The following PDE6A variants were observed in gnomAD, a reference collection of about 807,000 sequenced individuals.
PDE6A encodes the protein rod cGMP-specific 3',5'-cyclic phosphodiesterase subunit alpha.
Under a neutral mutation model 106.3 loss-of-function variants are expected in PDE6A, and 84 were observed. The ratio of observed to expected loss-of-function variants is 0.79; its 90% CI spans 0.66 to 0.95. PDE6A has a LOEUF of 0.95. Ranked by LOEUF, PDE6A falls within the 40% of genes least tolerant of loss-of-function variation. The pLI is 0.00. For synonymous variants in PDE6A, 394 were observed against 386.6 expected (o/e 1.02, Z -0.23); for missense variants, 1,052 against 1,084.9 (o/e 0.97, Z 0.43).
intron 10 of PDE6A, among the ~76,000 whole-genome samples, chr5:149,897,287 G>A (rs1390461108): frequency 1.3e-5 from 2 of 152,220 alleles, no homozygotes; most frequent in Middle Eastern, 3.4e-3. Flanking sequence ...TTCTCTCTCT[G>A]GGCCTGTGTC....
intron 4 of PDE6A, among the ~76,000 whole-genome samples, chr5:149,924,796 G>A (rs1438227306): frequency 2.0e-5 from 3 of 152,174 alleles, no homozygotes; most frequent in Non-Finnish European, 2.9e-5. Context: ...CCCTTGATTC[G>A]ACCTTTCCTT....
chr5:149,903,147 T>TAAAAAAAAAAAAAAAAAAAAAAAAAAAA (rs373566897), intron 8 of PDE6A, among the ~76,000 whole-genome samples: 2 of 90,998 alleles, frequency 2.2e-5, no homozygotes, highest in Admixed American at 1.4e-4. Context: ...AGACCCTCTC[T>TAAAAAAAAAAAAAAAAAAAAAAAAAAAA]AAAAAAAAAA....
At chr5:149,887,222 C>A (rs891702037) in intron 13 of PDE6A, among the ~76,000 whole-genome samples, 1 of 152,162 alleles carries the variant, frequency 6.6e-6, no homozygotes, top group African/African-American at 2.4e-5. Flanking sequence ...CCAAGTCCAA[C>A]AATAGAACAC....
At chr5:149,866,652 C>A in intron 19 of PDE6A, 1 of 221,214 alleles carries the variant, frequency 4.5e-6, no homozygotes, top group Non-Finnish European at 9.1e-6. Context: ...GAAAAATGAA[C>A]AGAAATTGGG....
rs944916073 is a variant in PDE6A at position 149,896,388 on chromosome 5, T to C, written c.1588A>G (p.Lys530Glu). The change falls in exon 12 of 22, where the codon AAA becomes GAA. Residue 530 changes from lysine (K) to glutamate (E), a missense_variant. Lys to Glu is a moderately conservative substitution (Grantham distance 56). Transcript: ENST00000255266. ...GGAATGTGAAATTTATCCACCACTT[T>C]GAGCTCATAATACATCTGTATTCCA... Reference protein sequence around the residue: ...KCGIQMYYELKVVDKFHIPQE... With the variant: ...KCGIQMYYELEVVDKFHIPQE... 2.5e-6 allele frequency: 4 copies of C among 1,614,116 alleles called. No homozygotes were observed. Among genetic ancestry groups the C allele is most frequent in the Non-Finnish European group, 3.4e-6 (4 of 1,179,928 alleles).
intron 5 of PDE6A, among the ~76,000 whole-genome samples, chr5:149,917,282 A>G (rs769793182): frequency 3.3e-5 from 5 of 152,154 alleles, no homozygotes; most frequent in Non-Finnish European, 7.4e-5. Context: ...ACACAAAAAA[A>G]AATTGGAAAT....
chr5:149,911,853 A>AAAAAG (rs1753398489), intron 6 of PDE6A, among the ~76,000 whole-genome samples: 1 of 150,036 alleles, frequency 6.7e-6, no homozygotes, highest in Admixed American at 6.6e-5. Context: ...AAAAAAAAAA[A>AAAAAG]AAAAAAAAAA....
intron 1 of PDE6A, 29 bp downstream of exon 1, chr5:149,944,171 T>G (rs1233684403): frequency 6.4e-7 from 1 of 1,569,966 alleles, no homozygotes; most frequent in South Asian, 1.1e-5. Context: ...TAATGCCCCA[T>G]GCCCTCTCTC....
intron 13 of PDE6A, among the ~76,000 whole-genome samples, chr5:149,887,547 G>A (rs201884943): frequency 2.6e-5 from 4 of 152,026 alleles, no homozygotes; most frequent in South Asian, 4.2e-4. Flanking sequence ...CTGTGGTCTC[G>A]GCTACCTGGT....
intron 10 of PDE6A, 151 bp downstream of exon 10, chr5:149,898,212 G>T (rs925926573): frequency 1.9e-5 from 13 of 673,932 alleles, no homozygotes; most frequent in Non-Finnish European, 3.4e-5. Flanking sequence ...GAGGGCTGCT[G>T]CATCCCTGTG....
intron 7 of PDE6A, among the ~76,000 whole-genome samples, chr5:149,904,083 C>A (rs1753089974): frequency 6.6e-6 from 1 of 152,122 alleles, no homozygotes; most frequent in Non-Finnish European, 1.5e-5. Context: ...CCTGTCTCTA[C>A]TAAAAATACA....
Position 149,896,451 on chromosome 5 carries a change from T to C in PDE6A, c.1525A>G (p.Ser509Gly), listed in dbSNP as rs1408581674. Reference protein sequence around the residue: ...DKYEINKFHFSDLPLTELELV... With the variant: ...DKYEINKFHFGDLPLTELELV... ...TCCAGTTCTGTTAGGGGTAAGTCAC[T>C]GAAGTGAAATTTATTAATTTCGTAT... The change falls in exon 12 of 22, where the codon AGT (serine) becomes GGT (glycine). Residue 509 changes from serine to glycine, a missense_variant. Ser to Gly is a moderately conservative substitution (Grantham distance 56). This residue lies in a region of PDE6A where 913 missense variants were observed against 915.2 expected (regional missense o/e 1.00). Transcript: ENST00000255266. 6.2e-7 allele frequency: 1 copy of C among 1,614,150 alleles called. No homozygotes were observed. Among genetic ancestry groups the C allele is most frequent in the South Asian group, 1.1e-5 (1 of 91,078 alleles).
In PDE6A at chr5:149,874,894, A is replaced by G. The variant is rs572325926; in HGVS notation, c.2136-6736T>C. Among the ~76,000 whole-genome samples, 11 of 152,228 alleles carry G rather than the reference A, an allele frequency of 7.2e-5. No individual in the cohort carries two copies. In the East Asian group the frequency reaches 1.9e-3, roughly 27 times the overall value. On this transcript the variant is annotated intron_variant, in intron 17 of 21. Transcript: ENST00000255266. The stretch of plus-strand genomic sequence containing the variant: ...CACTACCTGCTGCACTGCATTCCAC[A>G]TACTCCAGCTCAGCCCCCATGATGG...
chr5:149,877,110 T>C (rs1760770210), intron 17 of PDE6A, among the ~76,000 whole-genome samples: 1 of 152,206 alleles, frequency 6.6e-6, no homozygotes. Flanking sequence ...GCCTTTGCCC[T>C]AGTGTCATGG....
chr5:149,903,395 T>C (rs111401678), intron 8 of PDE6A, among the ~76,000 whole-genome samples: 2,559 of 150,828 alleles, frequency 0.017, 74 homozygotes, highest in African/African-American at 0.058. Flanking sequence ...TTATATATTG[T>C]ATATCTTGTG....
At chr5:149,923,938 C>T (rs1298538873) in intron 4 of PDE6A, among the ~76,000 whole-genome samples, 1 of 152,184 alleles carries the variant, frequency 6.6e-6, no homozygotes, top group Non-Finnish European at 1.5e-5. Flanking sequence ...CTAATATCAT[C>T]CAGAGAAGCA....
chr5:149,927,304 G>C lies in PDE6A; in HGVS notation c.858+3724C>G, dbSNP rs553652608. On this transcript the variant is annotated intron_variant, in intron 4 of 21. Transcript: ENST00000255266. ...GCGTGAGTCAGTGAGTGAGTGGTGA[G>C]TGAATGTGAAGGCCTAGGACATTAC... Among the ~76,000 whole-genome samples, 8 of 152,286 alleles carry C rather than the reference G, an allele frequency of 5.3e-5. No homozygotes were observed. The East Asian group carries it at 1.5e-3, about 29-fold the overall frequency.
At position 149,860,638 on chromosome 5, in the gene PDE6A, TTTTTTTTTTTGGCGA is replaced by T. The variant is rs1318873727; in HGVS notation, c.*242_*256del. The T allele has an allele frequency of 3.8e-6, 1 of 263,944 alleles. No homozygotes were observed. The highest frequency in any genetic ancestry group is 7.1e-6 in the Non-Finnish European group (1 of 140,054). The allele number at this position is 263,944 out of a possible 1,614,324, so 16.4% of individuals were successfully genotyped here. A position where few individuals can be genotyped will look rare whatever the true frequency, so the allele number is the denominator to read the frequency against. On this transcript the variant is annotated 3_prime_UTR_variant, in exon 22 of 22. Coordinates refer to ENST00000255266, the MANE Select transcript of PDE6A (RefSeq NM_000440.3). ...TAAACTTTCTTAAAACATTATGAAATTTTTTTTTTTGGCGATTTTTTTTTTTAAGTTCAACAGCTA... is the reference window on the plus strand; with the variant it reads ...TAAACTTTCTTAAAACATTATGAAATTTTTTTTTTTTAAGTTCAACAGCTA...
intron 4 of PDE6A, among the ~76,000 whole-genome samples, chr5:149,926,451 C>T (rs982465996): frequency 6.6e-6 from 1 of 152,054 alleles, no homozygotes; most frequent in African/African-American, 2.4e-5. Context: ...AAAATGAATA[C>T]TCACATTACT....
Sources: gnomAD v4.1 joint callset for allele counts (sites outside exome capture counted in the v4.1 genomes callset) on GRCh38, gnomAD v4.1.1 for gene constraint, gnomAD v4.1.1 regional missense constraint, MANE v1.5 for transcripts, NCBI Gene and HGNC (gene_info 2026-07-23, HGNC 2026-07-21) for gene names.